The following UBA6 variants were observed in gnomAD, a reference collection of about 807,000 sequenced individuals.
The protein encoded by UBA6 is ubiquitin like modifier activating enzyme 6.
Under a neutral mutation model 148.3 loss-of-function variants are expected in UBA6, and 87 were observed. That is an observed-to-expected ratio of 0.59 (90% CI 0.49 to 0.70). The LOEUF is 0.70. UBA6 is among the 30% of genes least tolerant of loss of function. UBA6 has a pLI of 0.00. For synonymous variants in UBA6, 376 were observed against 401.0 expected (o/e 0.94, Z 0.75); for missense variants, 1,186 against 1,241.2 (o/e 0.96, Z 0.67).
chr4:67,687,277 G>C (rs192376949), intron 2 of UBA6, among the ~76,000 whole-genome samples: 15 of 151,844 alleles, frequency 9.9e-5, no homozygotes, highest in African/African-American at 3.6e-4. Context: ...CTTGTCATCC[G>C]CCTGCCTCAG....
chr4:67,625,305 G>A lies in UBA6; in HGVS notation c.2519-118C>T, dbSNP rs1026981390. 3.1e-5 allele frequency: 24 copies of A among 779,530 alleles called. No homozygotes were observed. The African/African-American group carries it at 3.7e-4, about 12-fold the overall frequency. 48.3% of individuals were successfully genotyped at this position (779,530 alleles called of 1,614,324 possible). A position where few individuals can be genotyped will look rare whatever the true frequency, so the allele number is the denominator to read the frequency against. Reference sequence around the variant, plus strand: ...TTCCTTTTTATATTTTTTAATGACTGAGAAACATAAGAAAAATTCAGGCAA... The same window carrying A: ...TTCCTTTTTATATTTTTTAATGACTAAGAAACATAAGAAAAATTCAGGCAA... On this transcript the variant is annotated intron_variant, in intron 28 of 32. Coordinates refer to ENST00000322244, the MANE Select transcript of UBA6 (RefSeq NM_018227.6).
rs528614323 is a variant in UBA6 at position 67,685,234 on chromosome 4, A to G, written c.135-3021T>C. Among the ~76,000 whole-genome samples the G allele has an allele frequency of 8.5e-5, 13 of 152,174 alleles. No individual in the cohort carries two copies. The South Asian group carries it at 2.7e-3, about 32-fold the overall frequency. ...AACACGTGTATACTTTTATTTCTTG[A>G]TTTTTTGAGTTTTATATATTACCTA... is the stretch of plus-strand genomic sequence containing the variant. On this transcript the variant is annotated intron_variant, in intron 2 of 32. Transcript: ENST00000322244.
intron 7 of UBA6, among the ~76,000 whole-genome samples, chr4:67,672,719 C>T (rs1730180483): frequency 6.6e-6 from 1 of 152,100 alleles, no homozygotes; most frequent in African/African-American, 2.4e-5. Flanking sequence ...AACCGCCAAC[C>T]TAATTTTTAC....
In UBA6 at chr4:67,618,233, G is replaced by A. The variant is rs1577782594; in HGVS notation, c.*764C>T. On this transcript the variant is annotated 3_prime_UTR_variant, in exon 33 of 33. Transcript: ENST00000322244. The stretch of plus-strand genomic sequence containing the variant: ...ATAAATAAAATAGCCACATTAGAAG[G>A]CATACTGAAGAATCAAATGGTTAGC... The A allele has an allele frequency of 3.9e-5, 6 of 152,608 alleles. No homozygotes were observed. In the South Asian group the frequency reaches 1.2e-3, roughly 32 times the overall value. 9.5% of individuals were successfully genotyped at this position (152,608 alleles called of 1,614,324 possible). A position where few individuals can be genotyped will look rare whatever the true frequency, so the allele number is the denominator to read the frequency against.
chr4:67,633,671 T>C lies in UBA6; in HGVS notation c.2014-198A>G, dbSNP rs573980953. Among the ~76,000 whole-genome samples, 3 of 152,250 alleles carry C rather than the reference T, an allele frequency of 2.0e-5. No individual in the cohort carries two copies. In the East Asian group the frequency reaches 5.8e-4, roughly 29 times the overall value. On this transcript the variant is annotated intron_variant, in intron 22 of 32. Transcript: ENST00000322244. The stretch of plus-strand genomic sequence containing the variant: ...GTTTGAGAAGGGGAATGGTAAGAGA[T>C]AGCATACAAAATTTTAACTCTGATT...
Position 67,677,629 on chromosome 4 carries a change from G to T in UBA6, c.447C>A (p.Ser149=). The T allele has an allele frequency of 6.3e-7, 1 of 1,576,574 alleles. No homozygotes were observed. Among genetic ancestry groups the T allele is most frequent in the Non-Finnish European group, 8.7e-7 (1 of 1,150,592 alleles). Residue 149 remains serine, a synonymous_variant, in exon 6 of 33, where the codon TCC becomes TCA. Transcript: ENST00000322244. ...TACTAACCTGGTATTTATCTAAAAA[G>T]GAGAGATCTGTGGTCTCATTGAAAG... is the stretch of plus-strand genomic sequence containing the variant. ...SVPFNETTDL[S]FLDKYQCVVL...
chr4:67,659,547 C>T (rs1183187972), intron 13 of UBA6, among the ~76,000 whole-genome samples: 1 of 108,222 alleles, frequency 9.2e-6, no homozygotes, highest in African/African-American at 3.3e-5. Context: ...CCTGAGGCCT[C>T]CCCAGTCATG....
intron 9 of UBA6, 146 bp downstream of exon 9, chr4:67,668,405 C>T: frequency 1.4e-6 from 1 of 709,858 alleles, no homozygotes; most frequent in Non-Finnish European, 2.3e-6. Flanking sequence ...CAGTGTTTAA[C>T]AATGTCTTCA....
intron 19 of UBA6, among the ~76,000 whole-genome samples, chr4:67,637,273 G>T (rs1279682524): frequency 3.3e-5 from 5 of 150,846 alleles, no homozygotes; most frequent in South Asian, 2.1e-4. Flanking sequence ...GGGAGGTGGA[G>T]GGCAGCCCCT....
At chr4:67,647,167 T>C (rs1729438340) in intron 14 of UBA6, among the ~76,000 whole-genome samples, 1 of 152,158 alleles carries the variant, frequency 6.6e-6, no homozygotes, top group Admixed American at 6.5e-5. Context: ...GATTACTTTT[T>C]GTTTTTTGTT....
intron 32 of UBA6, among the ~76,000 whole-genome samples, chr4:67,621,039 T>A (rs1409384444): frequency 6.6e-6 from 1 of 152,196 alleles, no homozygotes; most frequent in Non-Finnish European, 1.5e-5. Flanking sequence ...AGGTTTCAAA[T>A]ATTGGCCAAA....
chr4:67,638,966 C>T lies in UBA6; in HGVS notation c.1713G>A (p.Val571=). The change falls in exon 19 of 33, where the codon GTG becomes GTA. Residue 571 remains valine, a synonymous_variant. Transcript: ENST00000322244. ...ACCTGTCTACGTATCTCCTGGCTTC[C>T]ACATTATCTAATGCTGTAATAATTA... ...QDVIITALDN[V]EARRYVDSRC... is the part of the protein sequence containing the mutation. 1 of 1,608,044 alleles carries T rather than the reference C, an allele frequency of 6.2e-7. No homozygotes were observed.
Position 67,622,907 on chromosome 4 carries a change from G to T in UBA6, c.2947C>A (p.Pro983Thr). Residue 983 changes from proline (P) to threonine (T), a missense_variant, in exon 32 of 33, where the codon CCA becomes ACA. By Grantham distance (38) the Pro-to-Thr change is conservative. Coordinates refer to ENST00000322244, the MANE Select transcript of UBA6 (RefSeq NM_018227.6). ...NAVKEKYGIE[P>T]TMVVQGVKML... is the part of the protein sequence containing the mutation. ...TTGACTCCCTGTACCACCATTGTTG[G>T]CTCAATTCCATACTTCTCCTAAAAG... 1 of 1,611,186 alleles carries T rather than the reference G, an allele frequency of 6.2e-7. No individual in the cohort carries two copies. Among genetic ancestry groups the T allele is most frequent in the South Asian group, 1.1e-5 (1 of 90,240 alleles).
chr4:67,634,186 A>G (rs1729068263), intron 22 of UBA6, 56 bp downstream of exon 22: 1 of 1,245,582 alleles, frequency 8.0e-7, no homozygotes, highest in East Asian at 2.4e-5. Flanking sequence ...TGACTTGAAA[A>G]TAAGATTACA....
At chr4:67,698,877 T>C (rs1403367149) in intron 1 of UBA6, among the ~76,000 whole-genome samples, 1 of 151,948 alleles carries the variant, frequency 6.6e-6, no homozygotes, top group Non-Finnish European at 1.5e-5. Context: ...GGAGAATCGC[T>C]TGAACCCGGG....
At position 67,614,297 on chromosome 4, in the gene UBA6, T is replaced by C. The variant is rs1728586565; in HGVS notation, c.*4700A>G. The C allele has an allele frequency of 6.6e-6, 1 of 152,212 alleles. No individual in the cohort carries two copies. Among genetic ancestry groups the C allele is most frequent in the South Asian group, 2.1e-4 (1 of 4,830 alleles). 9.4% of individuals were successfully genotyped at this position (152,212 alleles called of 1,614,324 possible). On this transcript the variant is annotated 3_prime_UTR_variant, in exon 33 of 33. Transcript: ENST00000322244. The stretch of plus-strand genomic sequence containing the variant: ...TAAACGTATTTGATGTCTCATGCCT[T>C]CTATATAAAACCAAGATGTACTCTG...
chr4:67,673,418 G>GAAAAAAAAA (rs566565882), intron 7 of UBA6, among the ~76,000 whole-genome samples: 2 of 102,184 alleles, frequency 2.0e-5, no homozygotes, highest in African/African-American at 7.3e-5. Context: ...TCTGTCTCGG[G>GAAAAAAAAA]AAAAAAAAAA....
rs749504351 is a variant in UBA6, at chr4:67,613,245, A to G, written c.*5752T>C. 4.6e-5 allele frequency: 7 copies of G among 152,220 alleles called. No individual in the cohort carries two copies. Among genetic ancestry groups the G allele is most frequent in the Non-Finnish European group, 1.0e-4 (7 of 68,032 alleles). The allele number at this position is 152,220 out of a possible 1,614,324, so 9.4% of individuals were successfully genotyped here. Reference sequence around the variant, plus strand: ...AAACTCTGTGGAGGATAAAAATATCATTCTGAGCATCAAGTTATTTCTAGT... The same window carrying G: ...AAACTCTGTGGAGGATAAAAATATCGTTCTGAGCATCAAGTTATTTCTAGT... On this transcript the variant is annotated 3_prime_UTR_variant, in exon 33 of 33. Transcript: ENST00000322244.
chr4:67,689,379 C>T (rs1730643830), intron 2 of UBA6, among the ~76,000 whole-genome samples: 1 of 152,040 alleles, frequency 6.6e-6, no homozygotes, highest in Non-Finnish European at 1.5e-5. Flanking sequence ...TTTGAAGTAT[C>T]AACCTTACAT....
Sources: allele counts gnomAD v4.1 joint callset (sites outside exome capture counted in the v4.1 genomes callset), GRCh38; gene constraint gnomAD v4.1.1; transcripts MANE v1.5; gene names NCBI Gene and HGNC (gene_info 2026-07-23, HGNC 2026-07-21).